The following TPRA1 variants were observed in gnomAD, a reference collection of about 807,000 sequenced individuals.
TPRA1 encodes transmembrane protein adipocyte associated 1.
In TPRA1, 28 loss-of-function variants were observed where a neutral mutation model predicts 40.1. The ratio of observed to expected loss-of-function variants is 0.70; its 90% confidence interval spans 0.52 to 0.96. TPRA1 has a LOEUF of 0.96. TPRA1 is among the 40% of genes least tolerant of loss of function. The pLI, the probability that TPRA1 is intolerant of heterozygous loss-of-function variation, is 0.00. For missense variants in TPRA1, 441 were observed against 482.6 expected, an observed-to-expected ratio of 0.91 and a Z score of 0.81; for synonymous variants, 219 against 209.7, an observed-to-expected ratio of 1.04 and a Z score of -0.38.
At chr3:127,582,449 C>T (rs1478604174) in intron 1 of TPRA1, among the ~76,000 whole-genome samples, 1 of 152,100 alleles carries the variant, frequency 6.6e-6, no homozygotes, top group African/African-American at 2.4e-5. Context: ...GCCAGTAATC[C>T]CAGCACTTTG....
Position 127,576,396 on chromosome 3 carries a change from CAA to C in TPRA1, c.498+219_498+220del, listed in dbSNP as rs1218039331. On this transcript the variant is annotated intron_variant, in intron 6 of 10. Transcript: ENST00000355552. This position sits in a 1 kb window ranked among gnomAD's most constrained non-coding sequence, Gnocchi z 4.6. ...CTACCTGAACTCCTTATTAAAACGGCAAGTCCTGAGCCTCCCATCCTGGCGCC... is the reference window on the plus strand; with the variant it reads ...CTACCTGAACTCCTTATTAAAACGGCGTCCTGAGCCTCCCATCCTGGCGCC... Among the ~76,000 whole-genome samples, 1 of 152,204 alleles carries C rather than the reference CAA, an allele frequency of 6.6e-6. No homozygotes were observed. The highest frequency in any genetic ancestry group is 1.5e-5 in the Non-Finnish European group (1 of 68,032).
chr3:127,596,174 T>C (rs369803769), intron 1 of TPRA1, among the ~76,000 whole-genome samples: 2 of 152,048 alleles, frequency 1.3e-5, no homozygotes, highest in Non-Finnish European at 2.9e-5. Context: ...CCACCTCCAG[T>C]GTTCAAGTGA....
intron 1 of TPRA1, among the ~76,000 whole-genome samples, chr3:127,597,177 G>A (rs918268398): frequency 6.6e-6 from 1 of 151,570 alleles, no homozygotes; most frequent in Admixed American, 6.6e-5. Flanking sequence ...CATCACTCCT[G>A]CCTCCCTACC....
Position 127,579,831 on chromosome 3 carries a change from A to C in TPRA1, c.167T>G (p.Leu56Arg). ...CTTCCAGAGCAGGAAGATGAGGAAG[A>C]GCACATTGGGGATGAGCAGCAAGAG... ...WDLLLLIPNVLFLIFLLWKLP... is the reference protein window; with the variant it reads ...WDLLLLIPNVRFLIFLLWKLP... Residue 56 changes from leucine (L) to arginine (R), a missense_variant, in exon 3 of 11, where the codon CTC (leucine) becomes CGC (arginine). Coordinates refer to ENST00000355552, the MANE Select transcript of TPRA1 (RefSeq NM_001136053.4). 6.2e-7 allele frequency: 1 copy of C among 1,614,062 alleles called. No homozygotes were observed. The highest frequency in any genetic ancestry group is 8.5e-7 in the Non-Finnish European group (1 of 1,180,024).
chr3:127,576,874 CG>C lies in TPRA1; in HGVS notation c.364del (p.Arg122AlafsTer9). The C allele has an allele frequency of 6.2e-7, 1 of 1,613,824 alleles. No individual in the cohort carries two copies. The highest frequency in any genetic ancestry group is 8.5e-7 in the Non-Finnish European group (1 of 1,180,024). On this transcript the variant is annotated frameshift_variant, in exon 5 of 11. Coordinates refer to ENST00000355552, the MANE Select transcript of TPRA1 (RefSeq NM_001136053.4). LOFTEE classifies it high-confidence loss of function. This position sits in a 1 kb window ranked among gnomAD's most constrained non-coding sequence, Gnocchi z 4.6. ...CAGCTCGATGGCCAGCAGGAAGAAG[CG>C]GGTGATCTCCCACAGGATCTGCACG... is the stretch of plus-strand genomic sequence containing the variant. ...VADKILWEIT[R>X]FFLLAIELSV... is the part of the protein sequence containing the mutation.
intron 1 of TPRA1, among the ~76,000 whole-genome samples, chr3:127,596,156 C>T (rs1317186403): frequency 2.6e-5 from 4 of 152,072 alleles, no homozygotes; most frequent in African/African-American, 9.7e-5. Flanking sequence ...TTCGGCTCAC[C>T]GCAACCTCCA....
chr3:127,585,903 T>G (rs747889755), intron 1 of TPRA1, among the ~76,000 whole-genome samples: 7 of 152,232 alleles, frequency 4.6e-5, no homozygotes, highest in Non-Finnish European at 1.0e-4. Context: ...ACATGGCAAC[T>G]GCTAGGGAAT....
chr3:127,595,051 C>T (rs2074228298), upstream of TPRA1: 1 of 152,382 alleles, frequency 6.6e-6, no homozygotes, highest in Non-Finnish European at 1.5e-5. Context: ...GTCCTCAAGA[C>T]ATGGATGCTG....
chr3:127,596,652 T>C (rs17538377), intron 1 of TPRA1, among the ~76,000 whole-genome samples: 129 of 152,336 alleles, frequency 8.5e-4, no homozygotes, highest in African/African-American at 2.6e-3. Flanking sequence ...TTCCTGGATA[T>C]GTCCCCTCGG....
intron 1 of TPRA1, among the ~76,000 whole-genome samples, chr3:127,580,681 A>T (rs2073803961): frequency 6.6e-6 from 1 of 152,212 alleles, no homozygotes; most frequent in South Asian, 2.1e-4. Flanking sequence ...ACCATGCAGA[A>T]CTCAGAGGCC....
chr3:127,575,116 A>C, intron 10 of TPRA1, 69 bp downstream of exon 10: 2 of 1,537,180 alleles, frequency 1.3e-6, no homozygotes, highest in Non-Finnish European at 1.8e-6. Flanking sequence ...TTCAATCCTC[A>C]CACCCATGCT....
At chr3:127,579,592 T>G in intron 3 of TPRA1, 148 bp downstream of exon 3, 5 of 964,984 alleles carry the variant, frequency 5.2e-6, no homozygotes, top group Non-Finnish European at 7.6e-6. Flanking sequence ...CCCAAAGAGA[T>G]CAGAGATGCA....
intron 1 of TPRA1, among the ~76,000 whole-genome samples, chr3:127,589,180 G>C (rs1335416162): frequency 1.4e-5 from 2 of 143,340 alleles, no homozygotes; most frequent in African/African-American, 5.0e-5. Context: ...CCACCCAGTT[G>C]AGGGACAGGA....
rs1474470543 is a variant in TPRA1 at position 127,579,833 on chromosome 3, C to T, written c.165G>A (p.Val55=). ...TCCAGAGCAGGAAGATGAGGAAGAG[C>T]ACATTGGGGATGAGCAGCAAGAGGT... ...YWDLLLLIPN[V]LFLIFLLWKL... The change falls in exon 3 of 11, where the codon GTG becomes GTA. Residue 55 remains valine, a synonymous_variant. Transcript: ENST00000355552. 1.2e-6 allele frequency: 2 copies of T among 1,613,994 alleles called. No individual in the cohort carries two copies. The highest frequency in any genetic ancestry group is 1.1e-5 in the South Asian group (1 of 91,078).
Position 127,580,210 on chromosome 3 carries a change from GTCC to G in TPRA1, c.-17-50_-17-48del, listed in dbSNP as rs370374179. ...AGTGAGCTGTGTGGCCTGGGCCACT[GTCC>G]TCCTTCCCCTGGACCTGGGACTCCC... On this transcript the variant is annotated intron_variant, in intron 1 of 10. Coordinates refer to ENST00000355552, the MANE Select transcript of TPRA1 (RefSeq NM_001136053.4). 106 of 1,576,554 alleles carry G rather than the reference GTCC, an allele frequency of 6.7e-5. No homozygotes were observed. In the South Asian group the frequency reaches 7.0e-4, roughly 10 times the overall value.
chr3:127,573,505 G>C lies in TPRA1; in HGVS notation c.*16C>G, dbSNP rs2107615044. On this transcript the variant is annotated 3_prime_UTR_variant, in exon 11 of 11. Coordinates refer to ENST00000355552, the MANE Select transcript of TPRA1 (RefSeq NM_001136053.4). ...CTCCTCTCTGGCCTGTCCTCCACAG[G>C]CCCTGGCAGCTGCCCTCAGGCATTG... 6.2e-7 allele frequency: 1 copy of C among 1,605,276 alleles called. No individual in the cohort carries two copies. The highest frequency in any genetic ancestry group is 2.2e-5 in the East Asian group (1 of 44,754).
In TPRA1 at chr3:127,576,145, C is replaced by T; in HGVS notation, c.499-95G>A. On this transcript the variant is annotated intron_variant, in intron 6 of 10. Transcript: ENST00000355552. This position sits in a 1 kb window ranked among gnomAD's most constrained non-coding sequence, Gnocchi z 4.6. ...GATGCAAAGCCCCCTAAGCTCTCCA[C>T]CACACCAAGTTCAGCCTCTTGGCCT... 1.0e-6 allele frequency: 1 copy of T among 973,518 alleles called. No homozygotes were observed. Among genetic ancestry groups the T allele is most frequent in the Non-Finnish European group, 1.6e-6 (1 of 626,668 alleles). 60.3% of individuals were successfully genotyped at this position (973,518 alleles called of 1,614,324 possible).
rs1278858757 is a variant in TPRA1 at position 127,576,738 on chromosome 3, G to A, written c.419-42C>T. On this transcript the variant is annotated intron_variant, in intron 5 of 10. Transcript: ENST00000355552. The surrounding 1 kb of genome is among the most constrained non-coding windows in gnomAD (Gnocchi z 4.6). ...GGTCAGCAGGCAGGAGCCAGCCCAGGTGACCACTCCAGAGTCAGCCCACAG... is the reference window on the plus strand; with the variant it reads ...GGTCAGCAGGCAGGAGCCAGCCCAGATGACCACTCCAGAGTCAGCCCACAG... 2 of 1,611,110 alleles carry A rather than the reference G, an allele frequency of 1.2e-6. No individual in the cohort carries two copies. The highest frequency in any genetic ancestry group is 1.1e-5 in the South Asian group (1 of 90,708).
At chr3:127,592,279 A>G (rs2074186630), upstream of TPRA1, among the ~76,000 whole-genome samples, 1 of 152,002 alleles carries the variant, frequency 6.6e-6, no homozygotes, top group African/African-American at 2.4e-5. Context: ...GACCAGGCCT[A>G]ATAACTACCC....
Sources: gnomAD v4.1 joint callset for allele counts (sites outside exome capture counted in the v4.1 genomes callset) on GRCh38, gnomAD v4.1.1 for gene constraint, Gnocchi (gnomAD v3.1) non-coding constraint, MANE v1.5 for transcripts, NCBI Gene and HGNC (gene_info 2026-07-23, HGNC 2026-07-21) for gene names.